Variants in AFAP1L1 observed in about 807,000 individuals in gnomAD.
AFAP1L1 encodes the protein actin filament associated protein 1 like 1, also known as actin filament-associated protein 1-like 1.
AFAP1L1 carries 77 observed loss-of-function variants against 99.8 expected under a neutral mutation model. That is an observed-to-expected ratio of 0.77 (90% confidence interval 0.64 to 0.93). The LOEUF is 0.93. Ranked by LOEUF, AFAP1L1 falls within the 40% of genes least tolerant of loss-of-function variation. AFAP1L1 has a pLI of 0.00. For missense variants in AFAP1L1, 893 were observed against 996.8 expected, an observed-to-expected ratio of 0.90 and a Z score of 1.40; for synonymous variants, 373 against 395.3, an observed-to-expected ratio of 0.94 and a Z score of 0.67.
chr5:149,275,801 C>G (rs752794933), intron 1 of AFAP1L1, among the ~76,000 whole-genome samples: 1 of 152,180 alleles, frequency 6.6e-6, no homozygotes, highest in Non-Finnish European at 1.5e-5. Flanking sequence ...CCACCATGCC[C>G]GGCCGTCTCT....
rs903145971 is a variant in AFAP1L1, at chr5:149,340,500, T to C, written c.*470T>C. 6 of 159,108 alleles carry C rather than the reference T, an allele frequency of 3.8e-5. No homozygotes were observed. The highest frequency in any genetic ancestry group is 8.4e-5 in the Non-Finnish European group (6 of 71,682). 9.9% of individuals were successfully genotyped at this position (159,108 alleles called of 1,614,324 possible). On this transcript the variant is annotated 3_prime_UTR_variant, in exon 19 of 19. Transcript: ENST00000296721. ...CACACTTGTGCCAACTTGATTCATA[T>C]TGGGCATTACTAACAACCCCTGGTC...
At chr5:149,286,520 C>G (rs964177516) in intron 1 of AFAP1L1, among the ~76,000 whole-genome samples, 4 of 152,150 alleles carry the variant, frequency 2.6e-5, no homozygotes, top group African/African-American at 7.2e-5. Context: ...TTTTCTGATT[C>G]CTTGATCACA....
intron 3 of AFAP1L1, 21 bp downstream of exon 3, chr5:149,300,375 C>G (rs780889002): frequency 1.2e-6 from 2 of 1,602,738 alleles, no homozygotes; most frequent in South Asian, 2.2e-5. Context: ...CTCTCCCAAC[C>G]TCAGCTACGG....
At chr5:149,294,533 C>T (rs1332733689) in intron 1 of AFAP1L1, among the ~76,000 whole-genome samples, 2 of 152,136 alleles carry the variant, frequency 1.3e-5, no homozygotes, top group African/African-American at 2.4e-5. Flanking sequence ...TTCTTACATC[C>T]GTGATGTATA....
intron 10 of AFAP1L1, 80 bp from the exon 11 acceptor site, chr5:149,316,071 G>A: frequency 6.3e-7 from 1 of 1,588,250 alleles, no homozygotes; most frequent in Non-Finnish European, 8.6e-7. Context: ...CCTGTATGCA[G>A]GCTGAAAAGG....
Position 149,332,686 on chromosome 5 carries a change from T to G in AFAP1L1, c.1976-9T>G, listed in dbSNP as rs776083651. On this transcript the variant is annotated splice_polypyrimidine_tract_variant and intron_variant, in intron 16 of 18. Coordinates refer to ENST00000296721, the MANE Select transcript of AFAP1L1 (RefSeq NM_152406.4). ...TTCAGCTTTTTCTTATCAATGTCTCTTGATTCAGGAGCAAAATTAAAGGCT... is the reference window on the plus strand; with the variant it reads ...TTCAGCTTTTTCTTATCAATGTCTCGTGATTCAGGAGCAAAATTAAAGGCT... 1.2e-6 allele frequency: 2 copies of G among 1,608,236 alleles called. No homozygotes were observed. Among genetic ancestry groups the G allele is most frequent in the African/African-American group, 1.3e-5 (1 of 74,440 alleles).
chr5:149,303,243 T>G (rs988143306), intron 5 of AFAP1L1, among the ~76,000 whole-genome samples: 3 of 152,128 alleles, frequency 2.0e-5, no homozygotes, highest in Non-Finnish European at 4.4e-5. Context: ...TTTTTACTAG[T>G]AGGTGGGTGC....
At chr5:149,304,966 G>GC (rs1201035053) in intron 5 of AFAP1L1, among the ~76,000 whole-genome samples, 2 of 151,726 alleles carry the variant, frequency 1.3e-5, no homozygotes, top group African/African-American at 4.8e-5. Flanking sequence ...TTCCTGGAGG[G>GC]GGATGTGCAC....
At chr5:149,280,087 A>G (rs958453556) in intron 1 of AFAP1L1, among the ~76,000 whole-genome samples, 4 of 152,320 alleles carry the variant, frequency 2.6e-5, no homozygotes, top group African/African-American at 9.6e-5. Context: ...TGAAAGTGAG[A>G]GTACATAATT....
At chr5:149,283,396 C>T (rs1046177144) in intron 1 of AFAP1L1, among the ~76,000 whole-genome samples, 1 of 151,960 alleles carries the variant, frequency 6.6e-6, no homozygotes, top group Non-Finnish European at 1.5e-5. Context: ...TCACCGTGGC[C>T]TAGTCAAAGT....
intron 15 of AFAP1L1, among the ~76,000 whole-genome samples, chr5:149,329,310 G>C (rs1757183934): frequency 1.3e-5 from 2 of 152,268 alleles, no homozygotes; most frequent in African/African-American, 4.8e-5. Flanking sequence ...CTAAGGTCAA[G>C]GGGGAAAGGC....
chr5:149,299,741 C>A (rs1441933839), intron 2 of AFAP1L1, 104 bp downstream of exon 2: 10 of 1,487,010 alleles, frequency 6.7e-6, no homozygotes, highest in South Asian at 2.5e-5. Context: ...CCCACCCCCA[C>A]CCCCAGGGGC....
intron 1 of AFAP1L1, among the ~76,000 whole-genome samples, chr5:149,280,908 T>G (rs968752279): frequency 3.9e-5 from 6 of 152,080 alleles, no homozygotes; most frequent in African/African-American, 1.4e-4. Context: ...AGAATGGAAA[T>G]GGATCTGGAC....
chr5:149,339,397 T>C (rs1005986456), intron 18 of AFAP1L1, among the ~76,000 whole-genome samples: 1 of 152,152 alleles, frequency 6.6e-6, no homozygotes, highest in African/African-American at 2.4e-5. Context: ...TTTCACCATG[T>C]TGGTCAGGTT....
rs1757521725 is a variant in AFAP1L1, at chr5:149,340,123, AG to A, written c.*95del. 17 of 1,501,214 alleles carry A rather than the reference AG, an allele frequency of 1.1e-5. No homozygotes were observed. Among genetic ancestry groups the A allele is most frequent in the Non-Finnish European group, 1.5e-5 (16 of 1,086,574 alleles). 93.0% of individuals were successfully genotyped at this position (1,501,214 alleles called of 1,614,324 possible). ...CACAAGGAGACACCAAGAGAAGACT[AG>A]GAAGTAGCCCTCGTTCTCCAGGGCA... On this transcript the variant is annotated 3_prime_UTR_variant, in exon 19 of 19. Transcript: ENST00000296721.
At chr5:149,272,580 T>A (rs1755161640) in intron 1 of AFAP1L1, among the ~76,000 whole-genome samples, 1 of 152,228 alleles carries the variant, frequency 6.6e-6, no homozygotes, top group Non-Finnish European at 1.5e-5. Context: ...CAAGGCACCT[T>A]GCCGACCCTT....
At chr5:149,285,898 G>T (rs2127590497) in intron 1 of AFAP1L1, among the ~76,000 whole-genome samples, 1 of 152,258 alleles carries the variant, frequency 6.6e-6, no homozygotes, top group Admixed American at 6.5e-5. Flanking sequence ...ATGAATTCCA[G>T]GTTGTCACTT....
rs567851227 is a variant in AFAP1L1 at position 149,288,723 on chromosome 5, C to T, written c.17-10786C>T. On this transcript the variant is annotated intron_variant, in intron 1 of 18. Coordinates refer to ENST00000296721, the MANE Select transcript of AFAP1L1 (RefSeq NM_152406.4). The stretch of plus-strand genomic sequence containing the variant: ...CAGCCAAAAGCTGTTTCCTCAGAAG[C>T]GGGTGGCCTTCCTCTACCCCCTCCT... 6.6e-5 allele frequency among the ~76,000 whole-genome samples: 10 copies of T among 152,296 alleles called. No homozygotes were observed. The South Asian group carries it at 1.9e-3, about 28-fold the overall frequency.
intron 9 of AFAP1L1, among the ~76,000 whole-genome samples, chr5:149,313,139 AAAG>A (rs1046728304): frequency 1.3e-5 from 2 of 151,608 alleles, no homozygotes; most frequent in Non-Finnish European, 2.9e-5. Flanking sequence ...AAAAAAAAAA[AAAG>A]AGAAGGAGCG....
Sources: allele counts gnomAD v4.1 joint callset (sites outside exome capture counted in the v4.1 genomes callset), GRCh38; gene constraint gnomAD v4.1.1; transcripts MANE v1.5; gene names NCBI Gene and HGNC (gene_info 2026-07-23, HGNC 2026-07-21).